MYZAP: variants seen among roughly 807,000 people sequenced by gnomAD.
MYZAP encodes the protein myocardial zonula adherens protein.
MYZAP carries 66 observed loss-of-function variants against 69.4 expected under a neutral mutation model. That is an observed-to-expected ratio of 0.95 (90% CI 0.78 to 1.17). The LOEUF (loss-of-function observed/expected upper bound fraction) is 1.17. Among genes scored for constraint, MYZAP ranks in the 50% most tolerant of loss-of-function variants. The pLI, the probability that MYZAP is intolerant of heterozygous loss-of-function variation, is 0.00. For synonymous variants in MYZAP, 256 were observed against 205.9 expected (o/e 1.24, Z -2.09); for missense variants, 611 against 556.2 (o/e 1.10, Z -0.99).
intron 10 of MYZAP, among the ~76,000 whole-genome samples, chr15:57,654,070 T>C (rs909496438): frequency 2.0e-5 from 3 of 147,192 alleles, no homozygotes; most frequent in Non-Finnish European, 4.5e-5. Flanking sequence ...TGGTGTTTTC[T>C]GATTGGTTAA....
Position 57,639,483 on chromosome 15 carries a change from A to G in MYZAP, c.1057A>G (p.Ile353Val). The G allele has an allele frequency of 6.2e-7, 1 of 1,614,106 alleles. No individual in the cohort carries two copies. The highest frequency in any genetic ancestry group is 1.1e-5 in the South Asian group (1 of 91,070). Residue 353 changes from isoleucine to valine, a missense_variant, in exon 10 of 13, where the codon ATC becomes GTC. Transcript: ENST00000267853. The part of the protein sequence containing the change: ...EEASASLRER[I>V]RHLDDMVHCQ... Reference sequence around the variant, plus strand: ...GGCATCAGCCAGCCTCCGTGAGCGGATCAGACACCTAGATGACATGGTGCA... The same window carrying G: ...GGCATCAGCCAGCCTCCGTGAGCGGGTCAGACACCTAGATGACATGGTGCA...
intron 11 of MYZAP, among the ~76,000 whole-genome samples, chr15:57,673,471 T>C (rs2038971242): frequency 1.8e-5 from 2 of 112,526 alleles, no homozygotes; most frequent in South Asian, 2.9e-4. Flanking sequence ...TGCGTGTGTG[T>C]GTGTGTGTGT....
At chr15:57,649,684 G>A (rs1025387496) in intron 10 of MYZAP, among the ~76,000 whole-genome samples, 1 of 152,196 alleles carries the variant, frequency 6.6e-6, no homozygotes, top group South Asian at 2.1e-4. Context: ...TAATATATAA[G>A]TTTTTAATGT....
At chr15:57,623,187 AC>A in intron 4 of MYZAP, among the ~76,000 whole-genome samples, 1 of 152,306 alleles carries the variant, frequency 6.6e-6, no homozygotes. Flanking sequence ...GTGGGTCAGG[AC>A]ATTGTTCACA....
At chr15:57,650,889 T>C (rs2037691494) in intron 10 of MYZAP, among the ~76,000 whole-genome samples, 1 of 152,132 alleles carries the variant, frequency 6.6e-6, no homozygotes, top group Non-Finnish European at 1.5e-5. Context: ...ATTCATCTAG[T>C]TTGGATGGTA....
Position 57,675,068 on chromosome 15 carries a change from G to A in MYZAP, c.1304G>A (p.Ser435Asn). The A allele has an allele frequency of 6.3e-7, 1 of 1,594,794 alleles. No individual in the cohort carries two copies. Residue 435 changes from serine to asparagine, a missense_variant and splice_region_variant, in exon 12 of 13, where the codon AGC (serine) becomes AAC (asparagine). By Grantham distance (46) the Ser-to-Asn change is conservative (BLOSUM62 1). Transcript: ENST00000267853. ...GGAGTGGGCTGTGATCTTCTACCCA[G>A]GTATTTAGGAATTTCCTGATTTTTT... Reference protein sequence around the residue: ...EIGVGCDLLPSQTGRTREIVM... With the variant: ...EIGVGCDLLPNQTGRTREIVM...
intron 12 of MYZAP, among the ~76,000 whole-genome samples, chr15:57,682,291 A>G (rs1363069387): frequency 6.6e-6 from 1 of 152,198 alleles, no homozygotes; most frequent in Non-Finnish European, 1.5e-5. Context: ...ACCTGGAAGT[A>G]GTAGAAGTCA....
intron 10 of MYZAP, among the ~76,000 whole-genome samples, chr15:57,657,017 C>T (rs1251720094): frequency 6.6e-6 from 1 of 152,170 alleles, no homozygotes; most frequent in Non-Finnish European, 1.5e-5. Flanking sequence ...CTCTCTATAG[C>T]ACTCTCTCTA....
chr15:57,675,070 T>C lies in MYZAP; in HGVS notation c.1304+2T>C, dbSNP rs1347808429. Reference sequence around the variant, plus strand: ...AGTGGGCTGTGATCTTCTACCCAGGTATTTAGGAATTTCCTGATTTTTTTT... The same window carrying C: ...AGTGGGCTGTGATCTTCTACCCAGGCATTTAGGAATTTCCTGATTTTTTTT... On this transcript the variant is annotated splice_donor_variant, in intron 12 of 12. Coordinates refer to ENST00000267853, the MANE Select transcript of MYZAP (RefSeq NM_001018100.5). LOFTEE classifies it high-confidence loss of function. 1 of 1,589,754 alleles carries C rather than the reference T, an allele frequency of 6.3e-7. No homozygotes were observed. Among genetic ancestry groups the C allele is most frequent in the East Asian group, 2.3e-5 (1 of 43,954 alleles).
At chr15:57,622,341 C>T (rs2035870269) in intron 4 of MYZAP, among the ~76,000 whole-genome samples, 1 of 152,058 alleles carries the variant, frequency 6.6e-6, no homozygotes, top group Non-Finnish European at 1.5e-5. Flanking sequence ...TCATAAGATC[C>T]ACATTACTGT....
intron 5 of MYZAP, among the ~76,000 whole-genome samples, chr15:57,626,458 C>G (rs16953342): frequency 0.55 from 83,418 of 152,104 alleles, 23,224 homozygotes; most frequent in Non-Finnish European, 0.62. Flanking sequence ...CACTTTGAGG[C>G]ATTGTTTTCT....
intron 11 of MYZAP, among the ~76,000 whole-genome samples, chr15:57,668,338 GT>G (rs1323592577): frequency 6.6e-6 from 1 of 152,166 alleles, no homozygotes; most frequent in East Asian, 1.9e-4. Flanking sequence ...GGAGGTATAA[GT>G]TTAACTTTTT....
intron 8 of MYZAP, 146 bp downstream of exon 8, chr15:57,633,887 A>G (rs2036659392): frequency 2.0e-6 from 2 of 1,012,444 alleles, no homozygotes; most frequent in South Asian, 4.7e-5. Context: ...AAAATAAAGT[A>G]TAAGGAAGTC....
chr15:57,612,880 A>T (rs528290100), intron 2 of MYZAP, among the ~76,000 whole-genome samples: 2 of 152,148 alleles, frequency 1.3e-5, no homozygotes, highest in South Asian at 4.2e-4. Flanking sequence ...CCTTTCAGTT[A>T]ATTTTCCTTC....
intron 7 of MYZAP, among the ~76,000 whole-genome samples, chr15:57,633,250 G>C (rs2036613840): frequency 6.6e-6 from 1 of 152,150 alleles, no homozygotes; most frequent in South Asian, 2.1e-4. Flanking sequence ...TGGGAATTCT[G>C]CATTCAATTC....
intron 4 of MYZAP, among the ~76,000 whole-genome samples, chr15:57,622,282 T>C (rs1393234050): frequency 6.6e-6 from 1 of 152,066 alleles, no homozygotes; most frequent in Non-Finnish European, 1.5e-5. Context: ...AGGAGTCAAC[T>C]ATAATAAGTG....
chr15:57,603,531 GTC>G (rs1232086456), intron 1 of MYZAP, among the ~76,000 whole-genome samples: 1 of 151,982 alleles, frequency 6.6e-6, no homozygotes, highest in African/African-American at 2.4e-5. Flanking sequence ...TCCACTTTCT[GTC>G]TCTATGATTT....
In MYZAP at chr15:57,639,429, A is replaced by G. The variant is rs770271598; in HGVS notation, c.1014-11A>G. 1 of 1,612,858 alleles carries G rather than the reference A, an allele frequency of 6.2e-7. No individual in the cohort carries two copies. ...TAGGACTCATTTGCTTTTTTCTCCT[A>G]TTTGTGTTAGGTATCAGCAGTTGGA... On this transcript the variant is annotated splice_polypyrimidine_tract_variant and intron_variant, in intron 9 of 12. Transcript: ENST00000267853.
intron 10 of MYZAP, among the ~76,000 whole-genome samples, chr15:57,649,220 C>T (rs770107570): frequency 2.6e-5 from 4 of 152,136 alleles, no homozygotes; most frequent in African/African-American, 7.2e-5. Flanking sequence ...AGGAAGTATA[C>T]GTAAAGGAGG....
Sources: allele counts gnomAD v4.1 joint callset (sites outside exome capture counted in the v4.1 genomes callset), GRCh38; gene constraint gnomAD v4.1.1; transcripts MANE v1.5; gene names NCBI Gene and HGNC (gene_info 2026-07-23, HGNC 2026-07-21).